Variants in SIDT1 observed in about 807,000 individuals in gnomAD.
SIDT1 encodes SID1 transmembrane family member 1, also known as SID1 transmembrane family, member 1.
SIDT1 carries 101 observed loss-of-function variants against 107.5 expected under a neutral mutation model. That is an observed-to-expected ratio of 0.94 (90% CI 0.80 to 1.11). SIDT1 has a LOEUF of 1.11. SIDT1 is among the 50% of genes least tolerant of loss of function. The probability of loss-of-function intolerance (pLI) is 0.00; values close to 1 mark genes in which losing one functional copy is unlikely to be tolerated. For synonymous variants in SIDT1, 395 were observed against 398.2 expected (o/e 0.99, Z 0.10); for missense variants, 1,076 against 1,058.2 (o/e 1.02, Z -0.23).
At chr3:113,537,134 TC>T (rs1303653185) in intron 1 of SIDT1, among the ~76,000 whole-genome samples, 1 of 152,238 alleles carries the variant, frequency 6.6e-6, no homozygotes, top group Admixed American at 6.5e-5. Context: ...CAGGCTGTCT[TC>T]TCTGAGGTTT....
At chr3:113,555,368 G>A (rs1278483535) in intron 1 of SIDT1, among the ~76,000 whole-genome samples, 6 of 152,178 alleles carry the variant, frequency 3.9e-5, no homozygotes, top group African/African-American at 1.4e-4. Context: ...AGAGTGCTAT[G>A]TCTACACTGC....
At chr3:113,533,357 C>CTT in intron 1 of SIDT1, 114 bp downstream of exon 1, 1 of 751,874 alleles carries the variant, frequency 1.3e-6, no homozygotes, top group Non-Finnish European at 1.9e-6. Context: ...GACCAGGGGA[C>CTT]TTTCTTTCCC....
chr3:113,611,359 G>A (rs182720156), intron 18 of SIDT1, among the ~76,000 whole-genome samples: 75 of 152,240 alleles, frequency 4.9e-4, no homozygotes, highest in Non-Finnish European at 8.5e-4. Flanking sequence ...TTGTTTGTTT[G>A]TGAGACTCTG....
intron 1 of SIDT1, among the ~76,000 whole-genome samples, chr3:113,541,590 T>G (rs1938876929): frequency 6.6e-6 from 1 of 152,222 alleles, no homozygotes; most frequent in Admixed American, 6.5e-5. Flanking sequence ...TTTTTACAAT[T>G]AAAAGTAATA....
intron 14 of SIDT1, 181 bp from the exon 15 acceptor site, chr3:113,606,859 TA>T (rs200514810): frequency 1.6e-5 from 8 of 490,680 alleles, no homozygotes; most frequent in African/African-American, 1.9e-5. Context: ...AACTTTTTTG[TA>T]AAAAAAGTGC....
chr3:113,567,544 C>T lies in SIDT1; in HGVS notation c.349C>T (p.Gln117Ter). ...CCCCTATATTGGCTGCTTCAGATACCAGAGGAGCTACAACTATCAAGAAGT... is the reference window on the plus strand; with the variant it reads ...CCCCTATATTGGCTGCTTCAGATACTAGAGGAGCTACAACTATCAAGAAGT... The part of the protein sequence containing the change: ...QVPLLFQGLY[Q>*]RSYNYQEVSR... The change falls in exon 3 of 25, where the codon CAG (glutamine) becomes TAG (stop). Residue 117 changes from glutamine (Q) to a stop codon, truncating the protein, a stop_gained. Transcript: ENST00000264852. LOFTEE classifies it high-confidence loss of function. 6.2e-7 allele frequency: 1 copy of T among 1,611,404 alleles called. No individual in the cohort carries two copies. The highest frequency in any genetic ancestry group is 8.5e-7 in the Non-Finnish European group (1 of 1,178,752).
intron 15 of SIDT1, 106 bp downstream of exon 15, chr3:113,607,220 C>A: frequency 1.4e-6 from 1 of 721,576 alleles, no homozygotes; most frequent in South Asian, 1.8e-5. Context: ...GGAAAACGAC[C>A]CTATTCAAGG....
chr3:113,580,017 T>C (rs1465189879), intron 4 of SIDT1, among the ~76,000 whole-genome samples: 1 of 152,222 alleles, frequency 6.6e-6, no homozygotes, highest in African/African-American at 2.4e-5. Flanking sequence ...CCCGCAATTG[T>C]GAATGTATTT....
At chr3:113,539,372 C>T (rs1938545446) in intron 1 of SIDT1, among the ~76,000 whole-genome samples, 1 of 152,152 alleles carries the variant, frequency 6.6e-6, no homozygotes, top group Non-Finnish European at 1.5e-5. Flanking sequence ...AGCTTCCTTG[C>T]TTTCTTGAAT....
At chr3:113,566,986 T>C (rs1941976451) in intron 2 of SIDT1, among the ~76,000 whole-genome samples, 1 of 152,172 alleles carries the variant, frequency 6.6e-6, no homozygotes, top group East Asian at 1.9e-4. Context: ...AACAACAAAG[T>C]GCCTGCCCTC....
intron 17 of SIDT1, 74 bp downstream of exon 17, chr3:113,608,610 A>G (rs1945514357): frequency 1.9e-6 from 2 of 1,049,904 alleles, no homozygotes; most frequent in African/African-American, 1.6e-5. Context: ...AAAAATGCCA[A>G]AGTCATGCTT....
intron 9 of SIDT1, among the ~76,000 whole-genome samples, chr3:113,590,343 C>T (rs1944054431): frequency 6.6e-6 from 1 of 152,222 alleles, no homozygotes; most frequent in Non-Finnish European, 1.5e-5. Flanking sequence ...TGTATCAAAA[C>T]ATGGGCACTT....
intron 1 of SIDT1, among the ~76,000 whole-genome samples, chr3:113,540,968 C>T (rs1273209665): frequency 1.3e-5 from 2 of 151,986 alleles, no homozygotes; most frequent in South Asian, 4.1e-4. Context: ...AGTTAATACC[C>T]TTAAAGAAAG....
chr3:113,602,983 A>G (rs1945065909), intron 11 of SIDT1, 22 bp from the exon 12 acceptor site: 1 of 1,612,184 alleles, frequency 6.2e-7, no homozygotes, highest in Non-Finnish European at 8.5e-7. Flanking sequence ...TTTTGATGGC[A>G]GATGAGTTGT....
intron 14 of SIDT1, 82 bp downstream of exon 14, chr3:113,605,058 G>A (rs528610512): frequency 1.1e-5 from 16 of 1,456,306 alleles, no homozygotes; most frequent in East Asian, 2.3e-5. Context: ...ACAGAGAGAG[G>A]TACAACTTAG....
chr3:113,634,711 G>A, the SIDT1 span, among the ~76,000 whole-genome samples: 2 of 152,160 alleles, frequency 1.3e-5, no homozygotes, highest in South Asian at 4.1e-4. Context: ...GGCTGAGGCA[G>A]GAGAATCTCT....
intron 1 of SIDT1, among the ~76,000 whole-genome samples, chr3:113,535,827 T>A (rs1283550189): frequency 6.6e-6 from 1 of 152,236 alleles, no homozygotes; most frequent in Non-Finnish European, 1.5e-5. Context: ...GAAATTAACC[T>A]CCTGTCCTAC....
At chr3:113,544,321 G>A (rs1020583420) in intron 1 of SIDT1, among the ~76,000 whole-genome samples, 1 of 152,030 alleles carries the variant, frequency 6.6e-6, no homozygotes, top group Non-Finnish European at 1.5e-5. Flanking sequence ...CTCCCAAGTA[G>A]CTGGGACTAC....
At chr3:113,592,879 C>T (rs1195842531) in intron 9 of SIDT1, 126 bp from the exon 10 acceptor site, 2 of 800,578 alleles carry the variant, frequency 2.5e-6, no homozygotes, top group East Asian at 2.6e-5. Context: ...TGCCACCGCA[C>T]CTGGCCCCAA....
Sources: allele counts gnomAD v4.1 joint callset (sites outside exome capture counted in the v4.1 genomes callset), GRCh38; gene constraint gnomAD v4.1.1; transcripts MANE v1.5; gene names NCBI Gene and HGNC (gene_info 2026-07-23, HGNC 2026-07-21).